The following PPP1R1C variants were observed in gnomAD, a reference collection of about 807,000 sequenced individuals.
The protein encoded by PPP1R1C is protein phosphatase 1 regulatory inhibitor subunit 1C.
In PPP1R1C, 15 loss-of-function variants were observed where a neutral mutation model predicts 17.4. The observed-to-expected ratio is 0.86, with a 90% CI of 0.58 to 1.33. The LOEUF (loss-of-function observed/expected upper bound fraction) is 1.33, where lower values mean the gene tolerates loss of function less well. Among genes scored for constraint, PPP1R1C ranks in the 40% most tolerant of loss-of-function variants. PPP1R1C has a pLI of 0.00. For synonymous variants in PPP1R1C, 35 were observed against 43.1 expected (o/e 0.81, Z 0.73); for missense variants, 143 against 130.0 (o/e 1.10, Z -0.48).
chr2:182,021,487 C>T (rs1267302774), intron 2 of PPP1R1C, among the ~76,000 whole-genome samples: 1 of 152,058 alleles, frequency 6.6e-6, no homozygotes, highest in Non-Finnish European at 1.5e-5. Context: ...GACACCACGC[C>T]TGGCTAATTT....
At chr2:182,000,288 T>C (rs537965105) in intron 2 of PPP1R1C, among the ~76,000 whole-genome samples, 8 of 152,068 alleles carry the variant, frequency 5.3e-5, no homozygotes, top group East Asian at 3.9e-4. Flanking sequence ...GTAGTACTTA[T>C]GGGATAGAAA....
intron 2 of PPP1R1C, among the ~76,000 whole-genome samples, chr2:182,007,770 A>C (rs1381480279): frequency 6.6e-6 from 1 of 152,212 alleles, no homozygotes; most frequent in East Asian, 1.9e-4. Flanking sequence ...ATGTATCAAA[A>C]TAGAAATCAA....
intron 4 of PPP1R1C, among the ~76,000 whole-genome samples, chr2:182,100,476 C>G (rs988349273): frequency 3.3e-5 from 5 of 150,996 alleles, no homozygotes; most frequent in Non-Finnish European, 7.4e-5. Context: ...CGCCACTGCA[C>G]TCCCCACTAG....
chr2:182,084,461 A>G (rs1409115783), intron 4 of PPP1R1C, among the ~76,000 whole-genome samples: 1 of 151,804 alleles, frequency 6.6e-6, no homozygotes, highest in Non-Finnish European at 1.5e-5. Flanking sequence ...AGAGAGAAGG[A>G]CCCTGTTTCA....
intron 2 of PPP1R1C, among the ~76,000 whole-genome samples, chr2:182,045,121 G>A (rs1358028975): frequency 1.3e-5 from 2 of 152,122 alleles, no homozygotes; most frequent in Non-Finnish European, 2.9e-5. Flanking sequence ...AACACACTGT[G>A]CAACCCTCAA....
At chr2:182,007,738 A>C (rs774847509) in intron 2 of PPP1R1C, among the ~76,000 whole-genome samples, 1 of 152,210 alleles carries the variant, frequency 6.6e-6, no homozygotes, top group African/African-American at 2.4e-5. Context: ...GAAAATTTTC[A>C]GTGCATTCAG....
intron 4 of PPP1R1C, among the ~76,000 whole-genome samples, chr2:182,090,099 A>G (rs1287753146): frequency 6.6e-6 from 1 of 152,178 alleles, no homozygotes; most frequent in East Asian, 1.9e-4. Context: ...TTCCTTTAGT[A>G]TACGTTCTGT....
intron 2 of PPP1R1C, among the ~76,000 whole-genome samples, chr2:182,009,544 T>C (rs920841251): frequency 6.6e-6 from 1 of 152,104 alleles, no homozygotes; most frequent in African/African-American, 2.4e-5. Context: ...GTCATATGAG[T>C]AGTTTTGAAT....
exon 6 of PPP1R1C, chr2:182,129,548 G>A (rs1689955246): frequency 6.6e-6 from 1 of 151,994 alleles, no homozygotes; most frequent in South Asian, 2.1e-4. Context: ...CATCCTGCTA[G>A]TAAAGATTTA....
At chr2:181,987,956 C>T (rs373984550) in intron 2 of PPP1R1C, 57 bp downstream of exon 2, 273 of 1,394,340 alleles carry the variant, frequency 2.0e-4, no homozygotes, top group Non-Finnish European at 5.3e-5. Flanking sequence ...GTTTAAAGAA[C>T]ATCAAAGTAC....
chr2:182,037,789 T>A (rs1687057820), intron 2 of PPP1R1C, among the ~76,000 whole-genome samples: 1 of 152,128 alleles, frequency 6.6e-6, no homozygotes, highest in African/African-American at 2.4e-5. Context: ...TACAGACATC[T>A]CAGTAACCTA....
chr2:182,064,715 GT>G (rs1180378944), intron 4 of PPP1R1C, among the ~76,000 whole-genome samples: 1 of 152,046 alleles, frequency 6.6e-6, no homozygotes, highest in Non-Finnish European at 1.5e-5. Flanking sequence ...ATGTTTGCTT[GT>G]TCATAAGACT....
intron 1 of PPP1R1C, among the ~76,000 whole-genome samples, chr2:181,955,194 A>C (rs1684650759): frequency 6.6e-6 from 1 of 152,172 alleles, no homozygotes; most frequent in Admixed American, 6.5e-5. Flanking sequence ...CACAACAAAT[A>C]CCTTTCAATG....
intron 2 of PPP1R1C, among the ~76,000 whole-genome samples, chr2:182,053,426 G>A (rs1574413675): frequency 6.6e-6 from 1 of 152,258 alleles, no homozygotes; most frequent in Middle Eastern, 3.4e-3. Context: ...TCTGAAAATG[G>A]CTGTATTTTG....
downstream of PPP1R1C, chr2:182,130,390 G>T (rs1689977254): frequency 6.6e-6 from 1 of 152,078 alleles, no homozygotes; most frequent in South Asian, 2.1e-4. Flanking sequence ...TACTTAATGA[G>T]GAGCCAAAGA....
rs926622026 is a variant in PPP1R1C, at chr2:182,025,199, A to G, written c.143-36243A>G. Among the ~76,000 whole-genome samples, 11 of 146,324 alleles carry G rather than the reference A, an allele frequency of 7.5e-5. No homozygotes were observed. The South Asian group carries it at 1.7e-3, about 23-fold the overall frequency. ...AATTATTATTATTATTATTATTATT[A>G]TTTATTTATTTATTTATTTTTATTA... On this transcript the variant is annotated intron_variant, in intron 2 of 4. Coordinates refer to ENST00000682840, the MANE Select transcript of PPP1R1C (RefSeq NM_001080545.3).
intron 3 of PPP1R1C, among the ~76,000 whole-genome samples, chr2:182,063,278 G>A (rs758742314): frequency 6.6e-6 from 1 of 151,920 alleles, no homozygotes; most frequent in African/African-American, 2.4e-5. Context: ...GAGGGTTAAA[G>A]ATTGCTGTTA....
Position 182,028,300 on chromosome 2 carries a change from T to G in PPP1R1C, c.143-33142T>G, listed in dbSNP as rs1197687961. 5.0e-5 allele frequency among the ~76,000 whole-genome samples: 7 copies of G among 139,250 alleles called. No homozygotes were observed. In the South Asian group the frequency reaches 1.0e-3, roughly 20 times the overall value. 91.4% of individuals were successfully genotyped at this position (139,250 alleles called of 152,430 possible). A position where few individuals can be genotyped will look rare whatever the true frequency, so the allele number is the denominator to read the frequency against. On this transcript the variant is annotated intron_variant, in intron 2 of 4. Coordinates refer to ENST00000682840, the MANE Select transcript of PPP1R1C (RefSeq NM_001080545.3). ...GCTTTTCTAGTTCTTTTAATTGTGA[T>G]GTTAGGGTGTCAATTTTGGATCTTT...
chr2:182,065,197 A>C (rs1687952231), intron 4 of PPP1R1C, among the ~76,000 whole-genome samples: 1 of 152,102 alleles, frequency 6.6e-6, no homozygotes. Context: ...GTCATAAGTT[A>C]ATGGCTTGAG....
Sources: gnomAD v4.1 joint callset for allele counts (sites outside exome capture counted in the v4.1 genomes callset) on GRCh38, gnomAD v4.1.1 for gene constraint, MANE v1.5 for transcripts, NCBI Gene and HGNC (gene_info 2026-07-23, HGNC 2026-07-21) for gene names.